The following NDUFAF6 variants were observed in gnomAD, a reference collection of about 807,000 sequenced individuals.
The protein encoded by NDUFAF6 is NADH:ubiquinone oxidoreductase complex assembly factor 6.
In NDUFAF6, 45 loss-of-function variants were observed where a neutral mutation model predicts 40.8. That is an observed-to-expected ratio of 1.10 (90% CI 0.87 to 1.42). The LOEUF is 1.42. Ranked by LOEUF, NDUFAF6 falls within the 40% of genes most tolerant of loss-of-function variation. The probability of loss-of-function intolerance (pLI) is 0.00; values close to 1 mark genes in which losing one functional copy is unlikely to be tolerated. For synonymous variants in NDUFAF6, 185 were observed against 155.9 expected (o/e 1.19, Z -1.39); for missense variants, 435 against 418.5 (o/e 1.04, Z -0.34).
At chr8:95,024,912 C>G (rs774941452), upstream of NDUFAF6, 15 of 1,101,846 alleles carry the variant, frequency 1.4e-5, no homozygotes, top group Admixed American at 4.3e-5. Context: ...GCTGCCTTCC[C>G]GCGACTCAAA....
rs1183204621 is a variant in NDUFAF6 at position 94,950,853 on chromosome 8, GCCTA to G, written c.-799+5238_-799+5241del. 2.0e-5 allele frequency: 3 copies of G among 152,126 alleles called. No homozygotes were observed. The East Asian group carries it at 5.8e-4, about 29-fold the overall frequency. The allele number at this position is 152,126 out of a possible 1,614,324, so 9.4% of individuals were successfully genotyped here. On this transcript the variant is annotated intron_variant, in intron 2 of 14. Coordinates refer to the NDUFAF6 transcript ENST00000396113. The stretch of plus-strand genomic sequence containing the variant: ...GGGGCTAATTTTTAAAAAGAAAAAG[GCCTA>G]CCTTTTTCCAGTTTGATAAGGTTTA...
chr8:95,097,196 G>A (rs1041546130), upstream of NDUFAF6, among the ~76,000 whole-genome samples: 2 of 152,122 alleles, frequency 1.3e-5, no homozygotes, highest in Admixed American at 6.6e-5. Context: ...GATGCCCCTG[G>A]CCTCAAATTT....
At chr8:95,066,706 AAGG>A (rs1292212535) in intron 9 of NDUFAF6, 1 of 152,184 alleles carries the variant, frequency 6.6e-6, no homozygotes, top group Non-Finnish European at 1.5e-5. Context: ...TAACAGTGAA[AAGG>A]CAGCAGAAAC....
At chr8:95,111,658 G>A (rs926296412) in intron 4 of NDUFAF6, among the ~76,000 whole-genome samples, 5 of 151,182 alleles carry the variant, frequency 3.3e-5, no homozygotes, top group Admixed American at 6.6e-5. Flanking sequence ...CCTGCTCATC[G>A]TGGGCACCAG....
At chr8:94,949,591 C>T (rs1822383372) in intron 2 of NDUFAF6, among the ~76,000 whole-genome samples, 1 of 151,252 alleles carries the variant, frequency 6.6e-6, no homozygotes, top group South Asian at 2.1e-4. Context: ...AAGGCCTGGG[C>T]GAGCGGAAGG....
intron 3 of NDUFAF6, among the ~76,000 whole-genome samples, chr8:95,040,482 A>G (rs901873291): frequency 3.3e-5 from 5 of 152,212 alleles, no homozygotes; most frequent in Non-Finnish European, 5.9e-5. Context: ...CTTAGTAGCC[A>G]TTAATGGTTC....
chr8:95,025,578 C>T (rs1393548135), intron 1 of NDUFAF6, among the ~76,000 whole-genome samples: 2 of 152,204 alleles, frequency 1.3e-5, no homozygotes, highest in African/African-American at 2.4e-5. Flanking sequence ...TTATGCAAAG[C>T]AGATTACGAG....
At chr8:94,980,083 T>C (rs923268897) in intron 1 of NDUFAF6, among the ~76,000 whole-genome samples, 2 of 150,372 alleles carry the variant, frequency 1.3e-5, no homozygotes, top group African/African-American at 2.4e-5. Flanking sequence ...GTTTACAGAG[T>C]GAGACTCTGT....
chr8:94,960,215 T>C (rs1425152707), intron 1 of NDUFAF6, among the ~76,000 whole-genome samples: 3 of 152,242 alleles, frequency 2.0e-5, no homozygotes, highest in African/African-American at 7.2e-5. Flanking sequence ...ACTTCATCCA[T>C]TGAAGACGCG....
intron 3 of NDUFAF6, among the ~76,000 whole-genome samples, chr8:95,040,422 A>T (rs777579022): frequency 1.4e-4 from 22 of 152,240 alleles, no homozygotes; most frequent in Admixed American, 6.5e-4. Context: ...TTTTGAGGAG[A>T]CATTTTAAGA....
At chr8:95,046,032 A>ATTTATTTTATTTTATTTTAT (rs546325431) in intron 5 of NDUFAF6, among the ~76,000 whole-genome samples, 14 of 147,710 alleles carry the variant, frequency 9.5e-5, no homozygotes, top group African/African-American at 3.5e-4. Context: ...AGTAAAACAC[A>ATTTATTTTATTTTATTTTAT]TTTATTTTAT....
At chr8:94,909,498 C>T (rs1361031585) in intron 1 of NDUFAF6, among the ~76,000 whole-genome samples, 1 of 148,130 alleles carries the variant, frequency 6.8e-6, no homozygotes, top group Non-Finnish European at 1.5e-5. Context: ...TGGTAGTGGG[C>T]GTCTGTAATC....
chr8:95,086,747 G>A (rs1468017152), intron 2 of NDUFAF6, among the ~76,000 whole-genome samples: 3 of 151,468 alleles, frequency 2.0e-5, no homozygotes, highest in Middle Eastern at 3.5e-3. Flanking sequence ...GACCACAGGC[G>A]CCCCCCACCA....
intron 2 of NDUFAF6, 146 bp downstream of exon 2, chr8:95,032,240 T>C (rs1828941971): frequency 4.2e-6 from 3 of 712,944 alleles, no homozygotes; most frequent in African/African-American, 1.8e-5. Flanking sequence ...GCTAACTGTT[T>C]AGGCTTAGTA....
chr8:94,995,537 G>A lies in NDUFAF6; in HGVS notation c.-84+14564G>A, dbSNP rs923245134. 3.3e-5 allele frequency among the ~76,000 whole-genome samples: 5 copies of A among 152,044 alleles called. No individual in the cohort carries two copies. In the East Asian group the frequency reaches 9.7e-4, roughly 29 times the overall value. On this transcript the variant is annotated intron_variant, in intron 2 of 9. Coordinates refer to the NDUFAF6 transcript ENST00000396111. ...CCAGCTACTTGAGAGTCTGAGGCGGGAGGATTGCATGAGGCCAGGAGTTTG... is the reference window on the plus strand; with the variant it reads ...CCAGCTACTTGAGAGTCTGAGGCGGAAGGATTGCATGAGGCCAGGAGTTTG...
At chr8:95,039,501 C>T (rs1464090989) in intron 3 of NDUFAF6, among the ~76,000 whole-genome samples, 2 of 151,356 alleles carry the variant, frequency 1.3e-5, no homozygotes, top group East Asian at 1.9e-4. Flanking sequence ...TGGTCTCAAA[C>T]TCCTGAGCTC....
chr8:95,064,516 G>A (rs1832652685), intron 9 of NDUFAF6, among the ~76,000 whole-genome samples: 1 of 150,440 alleles, frequency 6.6e-6, no homozygotes, highest in African/African-American at 2.5e-5. Flanking sequence ...GTAAGAGATA[G>A]CCACTGTGAT....
chr8:94,897,706 C>CTTTTTTT (rs11432186), intron 1 of NDUFAF6, among the ~76,000 whole-genome samples: 3 of 131,960 alleles, frequency 2.3e-5, no homozygotes, highest in Non-Finnish European at 3.1e-5. Flanking sequence ...TATTCTGTGC[C>CTTTTTTT]TTTTTTTTTT....
intron 2 of NDUFAF6, among the ~76,000 whole-genome samples, chr8:94,987,754 A>G (rs900734106): frequency 1.2e-4 from 19 of 152,220 alleles, no homozygotes; most frequent in African/African-American, 4.6e-4. Context: ...ATTGCAAAAA[A>G]CTAATCAGAT....
Sources: allele counts gnomAD v4.1 joint callset (sites outside exome capture counted in the v4.1 genomes callset), GRCh38; gene constraint gnomAD v4.1.1; transcripts MANE v1.5; gene names NCBI Gene and HGNC (gene_info 2026-07-23, HGNC 2026-07-21).